Variants in DLG2 observed in about 807,000 individuals in gnomAD.
The protein encoded by DLG2 is discs large MAGUK scaffold protein 2.
DLG2 carries 45 observed loss-of-function variants against 132.5 expected under a neutral mutation model. The ratio of observed to expected loss-of-function variants is 0.34; its 90% CI spans 0.27 to 0.44. The LOEUF is 0.44. Ranked by LOEUF, DLG2 falls within the 20% of genes least tolerant of loss-of-function variation. The pLI, the probability that DLG2 is intolerant of heterozygous loss-of-function variation, is 1.00. For missense variants in DLG2, 1,045 were observed against 1,196.9 expected (o/e 0.87, Z 1.87); for synonymous variants, 424 against 419.6 (o/e 1.01, Z -0.13).
intron 8 of DLG2, among the ~76,000 whole-genome samples, chr11:84,194,622 T>C (rs1252362523): frequency 6.6e-6 from 1 of 152,210 alleles, no homozygotes; most frequent in East Asian, 1.9e-4. Context: ...GATTGGTGCA[T>C]TTACAATCCC....
chr11:84,074,479 C>T (rs758780274), intron 10 of DLG2, among the ~76,000 whole-genome samples: 1 of 152,052 alleles, frequency 6.6e-6, no homozygotes, highest in Non-Finnish European at 1.5e-5. Context: ...CTCACGGGTT[C>T]CACTCCTGTT....
chr11:84,654,955 T>A (rs557596971), intron 6 of DLG2, among the ~76,000 whole-genome samples: 1 of 152,304 alleles, frequency 6.6e-6, no homozygotes, highest in African/African-American at 2.4e-5. Flanking sequence ...AAACTCACTT[T>A]TTTCTATCCT....
intron 6 of DLG2, chr11:84,720,572 G>T (rs1442138967): frequency 4.0e-6 from 3 of 756,112 alleles, no homozygotes; most frequent in Non-Finnish European, 4.8e-6. Flanking sequence ...CGAGCCTCTC[G>T]GGGTCTCCCT....
At chr11:84,512,032 T>C (rs1299596705) in intron 7 of DLG2, among the ~76,000 whole-genome samples, 2 of 152,294 alleles carry the variant, frequency 1.3e-5, no homozygotes, top group East Asian at 3.9e-4. Context: ...AACTTAGTTT[T>C]GAATTCCTCA....
chr11:83,895,929 C>T (rs1451132848), intron 15 of DLG2, among the ~76,000 whole-genome samples: 2 of 152,214 alleles, frequency 1.3e-5, no homozygotes, highest in Non-Finnish European at 2.9e-5. Context: ...ATCTATTGAA[C>T]TGAACACTGT....
At position 83,873,684 on chromosome 11, in the gene DLG2, C is replaced by G. The variant is rs575064518; in HGVS notation, c.1565+736G>C. 1.2e-4 allele frequency among the ~76,000 whole-genome samples: 18 copies of G among 152,276 alleles called. No individual in the cohort carries two copies. The South Asian group carries it at 3.7e-3, about 32-fold the overall frequency. On this transcript the variant is annotated intron_variant, in intron 16 of 27. Coordinates refer to ENST00000376104, the MANE Select transcript of DLG2 (RefSeq NM_001142699.3). Reference sequence around the variant, plus strand: ...GTGATTGGTAGATAAATAGATAGAGCCTGGCACCAATAAGCACTCAGTAAA... The same window carrying G: ...GTGATTGGTAGATAAATAGATAGAGGCTGGCACCAATAAGCACTCAGTAAA...
At chr11:83,835,540 G>A (rs951248800) in intron 16 of DLG2, among the ~76,000 whole-genome samples, 1 of 152,188 alleles carries the variant, frequency 6.6e-6, no homozygotes, top group Admixed American at 6.5e-5. Flanking sequence ...AGGGTGCCTG[G>A]TGTTGTCAAA....
intron 16 of DLG2, among the ~76,000 whole-genome samples, chr11:83,850,878 C>T (rs1341431249): frequency 6.6e-6 from 1 of 152,094 alleles, no homozygotes; most frequent in African/African-American, 2.4e-5. Flanking sequence ...GTGTCTCCAA[C>T]CCTAAAGAAA....
At chr11:84,689,804 C>G (rs182643312) in intron 6 of DLG2, among the ~76,000 whole-genome samples, 42 of 152,030 alleles carry the variant, frequency 2.8e-4, no homozygotes, top group African/African-American at 1.0e-3. Context: ...AACGCACACA[C>G]ACAGACACAC....
chr11:83,600,210 AGAT>A (rs2058299802), intron 19 of DLG2, among the ~76,000 whole-genome samples: 1 of 150,604 alleles, frequency 6.6e-6, no homozygotes, highest in Non-Finnish European at 1.5e-5. Flanking sequence ...GATGAGGAAA[AGAT>A]GAGTTCACAC....
intron 3 of DLG2, among the ~76,000 whole-genome samples, chr11:85,292,902 A>G (rs891167193): frequency 6.6e-6 from 1 of 151,938 alleles, no homozygotes; most frequent in Admixed American, 6.6e-5. Context: ...TTATGAGTCT[A>G]GTACATCTTT....
intron 21 of DLG2, among the ~76,000 whole-genome samples, chr11:83,485,866 A>G (rs540716893): frequency 1.3e-5 from 2 of 152,270 alleles, no homozygotes; most frequent in African/African-American, 4.8e-5. Flanking sequence ...TAAGTAATTC[A>G]TTACTTTTTT....
intron 6 of DLG2, among the ~76,000 whole-genome samples, chr11:84,758,013 A>T (rs947744805): frequency 6.6e-6 from 1 of 152,200 alleles, no homozygotes; most frequent in African/African-American, 2.4e-5. Context: ...AATAATCTAC[A>T]ATCTGTATTC....
Position 84,526,855 on chromosome 11 carries a change from T to A in DLG2, c.519+7715A>T, listed in dbSNP as rs867147032. 2.3e-4 allele frequency among the ~76,000 whole-genome samples: 34 copies of A among 144,746 alleles called. No homozygotes were observed. The South Asian group carries it at 4.4e-3, about 19-fold the overall frequency. The allele number at this position is 144,746 out of a possible 152,430, so 95.0% of individuals were successfully genotyped here. The stretch of plus-strand genomic sequence containing the variant: ...GTGCAGTGGCGCAATCTCGGCTCAC[T>A]GCAAGCTCCGCCTCCCGGGTTCACG... On this transcript the variant is annotated intron_variant, in intron 7 of 27. Coordinates refer to ENST00000376104, the MANE Select transcript of DLG2 (RefSeq NM_001142699.3).
chr11:83,953,877 G>A (rs992063807), intron 14 of DLG2, among the ~76,000 whole-genome samples: 2 of 152,070 alleles, frequency 1.3e-5, no homozygotes, highest in East Asian at 1.9e-4. Flanking sequence ...CTTCTACAGC[G>A]GTCCCTCCAA....
At chr11:84,477,815 A>G (rs1390880193) in intron 7 of DLG2, among the ~76,000 whole-genome samples, 2 of 152,196 alleles carry the variant, frequency 1.3e-5, no homozygotes, top group Non-Finnish European at 2.9e-5. Flanking sequence ...GTATGTGCTG[A>G]AGTTAAACAA....
chr11:84,819,084 C>CAT (rs2077391676), intron 6 of DLG2, among the ~76,000 whole-genome samples: 1 of 146,620 alleles, frequency 6.8e-6, no homozygotes, highest in Non-Finnish European at 1.5e-5. Context: ...AATACACACA[C>CAT]ACACACACAC....
intron 3 of DLG2, among the ~76,000 whole-genome samples, chr11:85,465,506 C>T (rs1481075203): frequency 2.6e-5 from 4 of 152,036 alleles, no homozygotes; most frequent in African/African-American, 9.7e-5. Flanking sequence ...CTTCCTGTGT[C>T]CATGTGTTCT....
Position 83,987,264 on chromosome 11 carries a change from A to G in DLG2, c.920-6622T>C, listed in dbSNP as rs1565924724. On this transcript the variant is annotated intron_variant, in intron 11 of 27. Coordinates refer to ENST00000376104, the MANE Select transcript of DLG2 (RefSeq NM_001142699.3). ...AAGAATCAATATTGTGAAAATGGCC[A>G]TACCGCCCAAGGTAATTTATAGATT... Among the ~76,000 whole-genome samples, 6 of 152,238 alleles carry G rather than the reference A, an allele frequency of 3.9e-5. No individual in the cohort carries two copies. The South Asian group carries it at 1.2e-3, about 32-fold the overall frequency.
Sources: gnomAD v4.1 joint callset for allele counts (sites outside exome capture counted in the v4.1 genomes callset) on GRCh38, gnomAD v4.1.1 for gene constraint, MANE v1.5 for transcripts, NCBI Gene and HGNC (gene_info 2026-07-23, HGNC 2026-07-21) for gene names.